SRGAP1: variants seen among roughly 807,000 people sequenced by gnomAD.
SRGAP1 encodes SLIT-ROBO Rho GTPase activating protein 1.
In SRGAP1, 43 loss-of-function variants were observed where a neutral mutation model predicts 121.9. That is an observed-to-expected ratio of 0.35 (90% CI 0.28 to 0.46). The LOEUF (loss-of-function observed/expected upper bound fraction) is 0.46. Ranked by LOEUF, SRGAP1 falls within the 20% of genes least tolerant of loss-of-function variation. SRGAP1 has a pLI of 1.00. For synonymous variants in SRGAP1, 447 were observed against 485.4 expected, an observed-to-expected ratio of 0.92 and a Z score of 1.04; for missense variants, 1,102 against 1,350.9, an observed-to-expected ratio of 0.82 and a Z score of 2.89.
Position 64,145,239 on chromosome 12 carries a change from A to ATTTATT in SRGAP1, c.*2571_*2576dup, listed in dbSNP as rs2037033072. 6.6e-6 allele frequency: 1 copy of ATTTATT among 152,174 alleles called. No homozygotes were observed. Among genetic ancestry groups the ATTTATT allele is most frequent in the African/African-American group, 2.4e-5 (1 of 41,444 alleles). The allele number at this position is 152,174 out of a possible 1,614,324, so 9.4% of individuals were successfully genotyped here. A position where few individuals can be genotyped will look rare whatever the true frequency, so the allele number is the denominator to read the frequency against. On this transcript the variant is annotated 3_prime_UTR_variant, in exon 22 of 22. Transcript: ENST00000355086. The stretch of plus-strand genomic sequence containing the variant: ...ATCAAAGGGCCAGAGGTGTCTTTGA[A>ATTTATT]TTTATTTTTTTTCAATGTCTTTTCT...
intron 1 of SRGAP1, among the ~76,000 whole-genome samples, chr12:63,849,347 T>C (rs1035229833): frequency 6.6e-6 from 1 of 152,190 alleles, no homozygotes; most frequent in Non-Finnish European, 1.5e-5. Flanking sequence ...GCTACACATA[T>C]GGGAACAATA....
intron 18 of SRGAP1, among the ~76,000 whole-genome samples, chr12:64,122,065 G>GA (rs2036613307): frequency 6.6e-6 from 1 of 152,126 alleles, no homozygotes; most frequent in Non-Finnish European, 1.5e-5. Context: ...GATCTAGGAG[G>GA]AAAAATGTCA....
intron 8 of SRGAP1, among the ~76,000 whole-genome samples, chr12:64,071,446 G>T (rs1479966465): frequency 6.6e-6 from 1 of 152,166 alleles, no homozygotes; most frequent in Non-Finnish European, 1.5e-5. Flanking sequence ...TGTGTTTCAG[G>T]CACCATGCTA....
chr12:64,032,576 T>G, intron 4 of SRGAP1: 3 of 810,888 alleles, frequency 3.7e-6, no homozygotes, highest in Non-Finnish European at 6.0e-6. Flanking sequence ...GACCTAGCTC[T>G]GCACATAAGT....
Position 64,043,071 on chromosome 12 carries a change from T to C in SRGAP1, c.672+99T>C, listed in dbSNP as rs536780088. On this transcript the variant is annotated intron_variant, in intron 5 of 21. Transcript: ENST00000355086. ...GATATCCACACATTGTAAGTTATTG[T>C]GAAAAGACATGCATTTCCTCCCATG... The C allele has an allele frequency of 6.4e-5, 53 of 822,128 alleles. 1 individual carries two copies. The East Asian group carries it at 8.2e-4, about 13-fold the overall frequency. 50.9% of individuals were successfully genotyped at this position (822,128 alleles called of 1,614,324 possible).
At chr12:64,051,304 C>T (rs1422364717) in intron 6 of SRGAP1, among the ~76,000 whole-genome samples, 1 of 152,162 alleles carries the variant, frequency 6.6e-6, no homozygotes, top group African/African-American at 2.4e-5. Context: ...GGTGATGTGA[C>T]TTCGATTTCC....
intron 1 of SRGAP1, chr12:63,887,803 C>A (rs554290786): frequency 6.6e-6 from 1 of 152,244 alleles, no homozygotes; most frequent in Non-Finnish European, 1.5e-5. Context: ...GAATTACTTT[C>A]GAAGGTCTTC....
chr12:63,856,475 T>A (rs1404934915), intron 1 of SRGAP1, among the ~76,000 whole-genome samples: 1 of 152,280 alleles, frequency 6.6e-6, no homozygotes, highest in East Asian at 1.9e-4. Flanking sequence ...CATCTGAAGT[T>A]TTTTATTTTG....
At chr12:63,923,336 C>T (rs900311292) in intron 1 of SRGAP1, among the ~76,000 whole-genome samples, 3 of 152,096 alleles carry the variant, frequency 2.0e-5, no homozygotes, top group South Asian at 2.1e-4. Flanking sequence ...CATTTTATAA[C>T]GGCCGTACTT....
At chr12:63,895,431 T>G (rs890530002) in intron 1 of SRGAP1, among the ~76,000 whole-genome samples, 7 of 152,326 alleles carry the variant, frequency 4.6e-5, no homozygotes, top group Admixed American at 2.6e-4. Context: ...AATTAAAAAT[T>G]TAGTTCTCTG....
intron 1 of SRGAP1, among the ~76,000 whole-genome samples, chr12:63,853,266 C>T (rs1011496307): frequency 1.3e-5 from 2 of 151,934 alleles, no homozygotes; most frequent in African/African-American, 4.8e-5. Context: ...GGTGATCCAC[C>T]CACCTCGGCC....
At chr12:63,939,996 CT>C (rs1188587364) in intron 1 of SRGAP1, among the ~76,000 whole-genome samples, 1 of 151,792 alleles carries the variant, frequency 6.6e-6, no homozygotes, top group Non-Finnish European at 1.5e-5. Context: ...GTCTCTCTCT[CT>C]GTCGCCCAGG....
chr12:64,086,741 AAC>A (rs1491366851), intron 10 of SRGAP1, among the ~76,000 whole-genome samples: 2 of 148,742 alleles, frequency 1.3e-5, no homozygotes, highest in Admixed American at 6.7e-5. Context: ...AAAAAAAAAA[AAC>A]ACAGCCTCAA....
At chr12:63,981,352 G>A (rs115537558) in intron 1 of SRGAP1, among the ~76,000 whole-genome samples, 30 of 152,056 alleles carry the variant, frequency 2.0e-4, no homozygotes, top group African/African-American at 7.0e-4. Context: ...CACTAAGGCA[G>A]CTAAAAACAA....
At chr12:64,017,057 A>T in intron 4 of SRGAP1, 45 bp downstream of exon 4, 1 of 1,179,572 alleles carries the variant, frequency 8.5e-7, no homozygotes, top group Non-Finnish European at 1.2e-6. Flanking sequence ...TTGGGTTAGA[A>T]TTCTGGTTTG....
rs1483502179 is a variant in SRGAP1, at chr12:64,144,606, A to G, written c.*1934A>G. ...TTCCCATGTATTTCTAGGTATGGTAAACTTTTAAACCTCCAAATTTTCAGA... is the reference window on the plus strand; with the variant it reads ...TTCCCATGTATTTCTAGGTATGGTAGACTTTTAAACCTCCAAATTTTCAGA... On this transcript the variant is annotated 3_prime_UTR_variant, in exon 22 of 22. Transcript: ENST00000355086. 1 of 152,032 alleles carries G rather than the reference A, an allele frequency of 6.6e-6. No homozygotes were observed. Among genetic ancestry groups the G allele is most frequent in the Non-Finnish European group, 1.5e-5 (1 of 68,034 alleles). 9.4% of individuals were successfully genotyped at this position (152,032 alleles called of 1,614,324 possible).
intron 3 of SRGAP1, among the ~76,000 whole-genome samples, chr12:64,004,333 G>A (rs1317534493): frequency 6.6e-6 from 1 of 152,024 alleles, no homozygotes; most frequent in East Asian, 1.9e-4. Context: ...TAAAAGATGA[G>A]CACTTAATAA....
chr12:64,004,876 A>G (rs947119099), intron 3 of SRGAP1, among the ~76,000 whole-genome samples: 2 of 152,232 alleles, frequency 1.3e-5, no homozygotes, highest in African/African-American at 4.8e-5. Context: ...TACCAGTTGA[A>G]GACTATGTTT....
At chr12:63,986,934 C>T (rs904512770) in intron 2 of SRGAP1, among the ~76,000 whole-genome samples, 1 of 151,986 alleles carries the variant, frequency 6.6e-6, no homozygotes, top group Non-Finnish European at 1.5e-5. Context: ...GAATATGGGA[C>T]TGAAGATAAG....
Sources: gnomAD v4.1 joint callset for allele counts (sites outside exome capture counted in the v4.1 genomes callset) on GRCh38, gnomAD v4.1.1 for gene constraint, MANE v1.5 for transcripts, NCBI Gene and HGNC (gene_info 2026-07-23, HGNC 2026-07-21) for gene names.